Variants in MICU1 observed in about 807,000 individuals in gnomAD.
The protein encoded by MICU1 is mitochondrial calcium uptake 1, also known as calcium uptake protein 1, mitochondrial.
Under a neutral mutation model 56.8 loss-of-function variants are expected in MICU1, and 45 were observed. The observed-to-expected ratio is 0.79, with a 90% CI of 0.62 to 1.02. The LOEUF (loss-of-function observed/expected upper bound fraction) is 1.02. Ranked by LOEUF, MICU1 falls within the 50% of genes least tolerant of loss-of-function variation. The pLI is 0.00. For synonymous variants in MICU1, 186 were observed against 195.1 expected (o/e 0.95, Z 0.39); for missense variants, 504 against 587.1 (o/e 0.86, Z 1.46).
chr10:72,410,190 T>C (rs572167503), intron 9 of MICU1, among the ~76,000 whole-genome samples: 9 of 152,360 alleles, frequency 5.9e-5, no homozygotes, highest in African/African-American at 2.2e-4. Context: ...CTGTAGTTCA[T>C]TCATTTTTAT....
chr10:72,469,259 A>C (rs1286761110), intron 8 of MICU1, among the ~76,000 whole-genome samples: 2 of 152,230 alleles, frequency 1.3e-5, no homozygotes, highest in Non-Finnish European at 2.9e-5. Context: ...TACTGTGATG[A>C]GAAAAAGACA....
chr10:72,471,320 G>A (rs1168927977), intron 8 of MICU1, among the ~76,000 whole-genome samples: 7 of 152,164 alleles, frequency 4.6e-5, no homozygotes, highest in African/African-American at 7.2e-5. Context: ...TCCTGACTTC[G>A]TGATCTGCCC....
intron 6 of MICU1, among the ~76,000 whole-genome samples, chr10:72,488,600 T>G (rs557028502): frequency 6.6e-6 from 1 of 152,294 alleles, no homozygotes; most frequent in Admixed American, 6.5e-5. Context: ...CTACTAGCAA[T>G]AACAGGTTCA....
chr10:72,528,126 CAGAAATTTCACTTCAA>C (rs1480203244), intron 5 of MICU1, among the ~76,000 whole-genome samples: 1 of 152,092 alleles, frequency 6.6e-6, no homozygotes, highest in Non-Finnish European at 1.5e-5. Flanking sequence ...GGGCCTAGCC[CAGAAATTTCACTTCAA>C]ACCAAAAAAA....
intron 10 of MICU1, among the ~76,000 whole-genome samples, chr10:72,376,549 T>C (rs766239776): frequency 3.9e-5 from 6 of 152,098 alleles, no homozygotes; most frequent in East Asian, 1.9e-4. Context: ...GGTGAGAGGA[T>C]AGCTTGAGCC....
intron 5 of MICU1, among the ~76,000 whole-genome samples, chr10:72,526,384 C>T (rs538840731): frequency 2.6e-5 from 4 of 152,246 alleles, no homozygotes; most frequent in African/African-American, 9.6e-5. Context: ...GCACCTCCGC[C>T]TCCCGGGTTC....
chr10:72,442,808 G>C (rs908623362), intron 8 of MICU1, among the ~76,000 whole-genome samples: 2 of 152,150 alleles, frequency 1.3e-5, no homozygotes, highest in African/African-American at 4.8e-5. Flanking sequence ...CCAGGCTAGA[G>C]TGCAGTGGTG....
At chr10:72,433,268 G>A (rs1208295478) in intron 8 of MICU1, among the ~76,000 whole-genome samples, 4 of 151,016 alleles carry the variant, frequency 2.6e-5, no homozygotes, top group Non-Finnish European at 4.4e-5. Context: ...TTTTGAGACA[G>A]AGTCTTGCTC....
intron 10 of MICU1, among the ~76,000 whole-genome samples, chr10:72,383,293 G>C (rs1179915251): frequency 6.6e-6 from 1 of 151,296 alleles, no homozygotes; most frequent in Non-Finnish European, 1.5e-5. Context: ...ATAGTCATCT[G>C]CTTCAAAATT....
At chr10:72,425,367 G>T (rs1217210354) in intron 8 of MICU1, among the ~76,000 whole-genome samples, 1 of 152,206 alleles carries the variant, frequency 6.6e-6, no homozygotes, top group Non-Finnish European at 1.5e-5. Context: ...GGCAGCAGCT[G>T]CAGCTTGCTC....
At chr10:72,481,192 C>T (rs1239317548) in intron 6 of MICU1, among the ~76,000 whole-genome samples, 1 of 152,138 alleles carries the variant, frequency 6.6e-6, no homozygotes, top group Non-Finnish European at 1.5e-5. Flanking sequence ...ATGGGACAAA[C>T]AAGCCAAAAA....
At chr10:72,481,994 T>C (rs1198283842) in intron 6 of MICU1, among the ~76,000 whole-genome samples, 1 of 152,210 alleles carries the variant, frequency 6.6e-6, no homozygotes, top group African/African-American at 2.4e-5. Flanking sequence ...ATCATGATAA[T>C]AATAATGACA....
chr10:72,430,994 T>TTA (rs1375923021), intron 8 of MICU1, among the ~76,000 whole-genome samples: 2 of 152,180 alleles, frequency 1.3e-5, no homozygotes, highest in Non-Finnish European at 2.9e-5. Flanking sequence ...TTAATCCTCA[T>TTA]TATATTTCAA....
At chr10:72,440,664 A>T (rs1398119967) in intron 8 of MICU1, among the ~76,000 whole-genome samples, 4 of 152,248 alleles carry the variant, frequency 2.6e-5, no homozygotes, top group Non-Finnish European at 4.4e-5. Flanking sequence ...ACAAAGGGCT[A>T]ATATCCAGAA....
chr10:72,591,349 A>C (rs1342321382), intron 1 of MICU1, among the ~76,000 whole-genome samples: 2 of 152,178 alleles, frequency 1.3e-5, no homozygotes, highest in African/African-American at 4.8e-5. Context: ...CTAAATCTAA[A>C]GTTAGCATAA....
intron 8 of MICU1, among the ~76,000 whole-genome samples, chr10:72,460,382 G>A (rs866167245): frequency 2.6e-5 from 4 of 152,050 alleles, no homozygotes; most frequent in African/African-American, 7.2e-5. Flanking sequence ...AGAAATGACT[G>A]AACTAGTTTA....
At chr10:72,535,436 T>A (rs927254154) in intron 4 of MICU1, among the ~76,000 whole-genome samples, 2 of 152,124 alleles carry the variant, frequency 1.3e-5, no homozygotes, top group Non-Finnish European at 2.9e-5. Context: ...TAAGATAGAA[T>A]TATAGAAAAC....
chr10:72,582,061 C>T (rs750590636), intron 1 of MICU1, among the ~76,000 whole-genome samples: 1 of 152,160 alleles, frequency 6.6e-6, no homozygotes, highest in African/African-American at 2.4e-5. Context: ...TCCCTAGTAG[C>T]TGGGATTACA....
intron 6 of MICU1, among the ~76,000 whole-genome samples, chr10:72,499,553 C>T (rs1866957593): frequency 6.6e-6 from 1 of 152,162 alleles, no homozygotes; most frequent in African/African-American, 2.4e-5. Context: ...GCTAAAATAA[C>T]ACTGAAAAAG....
Sources: gnomAD v4.1 joint callset for allele counts (sites outside exome capture counted in the v4.1 genomes callset) on GRCh38, gnomAD v4.1.1 for gene constraint, MANE v1.5 for transcripts, NCBI Gene and HGNC (gene_info 2026-07-23, HGNC 2026-07-21) for gene names.